The following MYBPC1 variants were observed in gnomAD, a reference collection of about 807,000 sequenced individuals.
MYBPC1 encodes the protein myosin-binding protein C, slow-type.
In MYBPC1, 52 loss-of-function variants were observed where a neutral mutation model predicts 147.1. The observed-to-expected ratio is 0.35, with a 90% CI of 0.28 to 0.45. MYBPC1 has a LOEUF of 0.45. Ranked by LOEUF, MYBPC1 falls within the 20% of genes least tolerant of loss-of-function variation. The probability of loss-of-function intolerance (pLI) is 1.00; values close to 1 mark genes in which losing one functional copy is unlikely to be tolerated. For missense variants in MYBPC1, 1,228 were observed against 1,440.3 expected, an observed-to-expected ratio of 0.85 and a Z score of 2.39; for synonymous variants, 477 against 475.9, an observed-to-expected ratio of 1.00 and a Z score of -0.03.
In MYBPC1 at chr12:101,649,278, G is replaced by C. The variant is rs780186074; in HGVS notation, c.1215G>C (p.Glu405Asp). The C allele has an allele frequency of 5.0e-6, 8 of 1,613,644 alleles. No homozygotes were observed. The South Asian group carries it at 6.6e-5, about 13-fold the overall frequency. ...ANVKWFKNGE[E>D]IIPGPKSRYR... ...AATTCAGGTTTAAGAATGGTGAAGAGATTATCCCTGGTCCAAAATCAAGAT... is the reference window on the plus strand; with the variant it reads ...AATTCAGGTTTAAGAATGGTGAAGACATTATCCCTGGTCCAAAATCAAGAT... Residue 405 changes from glutamate (E) to aspartate (D), a missense_variant, in exon 15 of 32, where the codon GAG (glutamate) becomes GAC (aspartate). This residue lies in a region of MYBPC1 where 1,077 missense variants were observed against 1,314.2 expected (regional missense o/e 0.82). Transcript: ENST00000361466.
intron 5 of MYBPC1, 192 bp from the exon 6 acceptor site, chr12:101,629,242 A>C: frequency 1.6e-6 from 1 of 618,392 alleles, no homozygotes; most frequent in Non-Finnish European, 2.9e-6. Flanking sequence ...CATGGAAGAG[A>C]TACCCCTGTA....
At chr12:101,597,520 C>T (rs1877809042) in intron 1 of MYBPC1, among the ~76,000 whole-genome samples, 1 of 152,148 alleles carries the variant, frequency 6.6e-6, no homozygotes, top group African/African-American at 2.4e-5. Context: ...TGGGAGTTTT[C>T]TTCTTAGATC....
At chr12:101,647,174 C>G (rs1893357889) in intron 13 of MYBPC1, 1 of 433,582 alleles carries the variant, frequency 2.3e-6, no homozygotes, top group Non-Finnish European at 4.3e-6. Context: ...TTGTTTCACA[C>G]ACTCAATTGA....
chr12:101,642,733 C>A (rs1466999676), intron 11 of MYBPC1, 148 bp downstream of exon 11: 1 of 809,476 alleles, frequency 1.2e-6, no homozygotes, highest in South Asian at 1.6e-5. Context: ...CTTGTCTAGA[C>A]GGACAGCTCC....
At chr12:101,660,840 TC>T (rs1428150893) in intron 19 of MYBPC1, among the ~76,000 whole-genome samples, 6 of 152,076 alleles carry the variant, frequency 3.9e-5, no homozygotes, top group Non-Finnish European at 1.5e-5. Flanking sequence ...CAGAGGGGTT[TC>T]CCCTTACAAA....
rs1160494607 is a variant in MYBPC1 at position 101,631,749 on chromosome 12, T to C, written c.438+30T>C. The C allele has an allele frequency of 3.7e-6, 6 of 1,613,514 alleles. No individual in the cohort carries two copies. The East Asian group carries it at 1.3e-4, about 36-fold the overall frequency. Reference sequence around the variant, plus strand: ...GGCCCTGAACTCCCAGGACAGGCGCTCAGCTAGCGCATTCCTTCTATGTGA... The same window carrying C: ...GGCCCTGAACTCCCAGGACAGGCGCCCAGCTAGCGCATTCCTTCTATGTGA... On this transcript the variant is annotated intron_variant, in intron 7 of 31. Transcript: ENST00000361466.
chr12:101,678,316 C>A, intron 28 of MYBPC1, 78 bp downstream of exon 28: 5 of 1,573,692 alleles, frequency 3.2e-6, no homozygotes, highest in Non-Finnish European at 4.4e-6. Flanking sequence ...ACAATGTAAA[C>A]AAATCCAGCT....
chr12:101,609,291 A>T (rs1180267466), intron 1 of MYBPC1, among the ~76,000 whole-genome samples: 4 of 151,742 alleles, frequency 2.6e-5, no homozygotes, highest in Admixed American at 1.3e-4. Flanking sequence ...TTTTAAAATT[A>T]AAAAAAAATT....
chr12:101,687,197 A>G (rs1415694997), downstream of MYBPC1, among the ~76,000 whole-genome samples: 2 of 151,960 alleles, frequency 1.3e-5, no homozygotes, highest in South Asian at 4.2e-4. Flanking sequence ...TACATTAGGT[A>G]TATCGCCTAA....
Position 101,684,295 on chromosome 12 carries a change from T to C in MYBPC1, c.3493-87T>C, listed in dbSNP as rs878927147. On this transcript the variant is annotated intron_variant, in intron 30 of 31. Transcript: ENST00000361466. ...CACCTCTTCATAATCATGACCATAATTTCATCCAACAAGTACTCAAGTTTG... is the reference window on the plus strand; with the variant it reads ...CACCTCTTCATAATCATGACCATAACTTCATCCAACAAGTACTCAAGTTTG... 78 of 1,033,934 alleles carry C rather than the reference T, an allele frequency of 7.5e-5. No homozygotes were observed. The South Asian group carries it at 9.0e-4, about 12-fold the overall frequency. 64.0% of individuals were successfully genotyped at this position (1,033,934 alleles called of 1,614,324 possible). A position where few individuals can be genotyped will look rare whatever the true frequency, so the allele number is the denominator to read the frequency against.
chr12:101,636,955 G>C, intron 10 of MYBPC1: 1 of 358,574 alleles, frequency 2.8e-6, no homozygotes, highest in East Asian at 5.0e-5. Context: ...AATGTTTCAT[G>C]ACTCTTCACC....
At chr12:101,603,359 A>G (rs1177281328) in intron 1 of MYBPC1, among the ~76,000 whole-genome samples, 3 of 151,468 alleles carry the variant, frequency 2.0e-5, no homozygotes, top group African/African-American at 7.3e-5. Context: ...AAAAAAAAAA[A>G]GAAGATTTCT....
chr12:101,688,526 G>A (rs1951380170), downstream of MYBPC1, among the ~76,000 whole-genome samples: 1 of 150,852 alleles, frequency 6.6e-6, no homozygotes. Flanking sequence ...TTAATTCTAA[G>A]AGACATTGGA....
chr12:101,676,586 C>T (rs191920926), intron 26 of MYBPC1, among the ~76,000 whole-genome samples: 1 of 151,960 alleles, frequency 6.6e-6, no homozygotes, highest in South Asian at 2.1e-4. Context: ...GAGACCTCCT[C>T]TCTCTAAAAA....
At chr12:101,642,685 G>A (rs1892319571) in intron 11 of MYBPC1, 100 bp downstream of exon 11, 8 of 1,361,294 alleles carry the variant, frequency 5.9e-6, no homozygotes. Flanking sequence ...TCTCCCGCGG[G>A]GTTGGGAGTG....
At chr12:101,659,980 G>A (rs1243960488) in intron 19 of MYBPC1, 149 bp downstream of exon 19, 5 of 1,016,818 alleles carry the variant, frequency 4.9e-6, no homozygotes, top group African/African-American at 1.6e-5. Context: ...CTTATCATTG[G>A]AGAAAGAAGA....
At chr12:101,638,193 C>T (rs563106178) in intron 10 of MYBPC1, among the ~76,000 whole-genome samples, 2 of 152,318 alleles carry the variant, frequency 1.3e-5, no homozygotes, top group Admixed American at 1.3e-4. Flanking sequence ...TTTAGGAAGA[C>T]AAGAGAGCTT....
chr12:101,661,624 C>T (rs1421599702), intron 20 of MYBPC1, among the ~76,000 whole-genome samples: 1 of 152,088 alleles, frequency 6.6e-6, no homozygotes, highest in East Asian at 1.9e-4. Flanking sequence ...CATTGTGGCT[C>T]ATACCTGTAA....
At chr12:101,643,357 C>T (rs752773649) in intron 11 of MYBPC1, among the ~76,000 whole-genome samples, 1 of 152,146 alleles carries the variant, frequency 6.6e-6, no homozygotes, top group Non-Finnish European at 1.5e-5. Flanking sequence ...GCCATTCCCA[C>T]TATCCCAGAA....
Sources: gnomAD v4.1 joint callset for allele counts (sites outside exome capture counted in the v4.1 genomes callset) on GRCh38, gnomAD v4.1.1 for gene constraint, gnomAD v4.1.1 regional missense constraint, MANE v1.5 for transcripts, NCBI Gene and HGNC (gene_info 2026-07-23, HGNC 2026-07-21) for gene names.